The following CEP112 variants were observed in gnomAD, a reference collection of about 807,000 sequenced individuals.
CEP112 encodes the protein centrosomal protein of 112 kDa.
Under a neutral mutation model 153.0 loss-of-function variants are expected in CEP112, and 127 were observed. The ratio of observed to expected loss-of-function variants is 0.83; its 90% confidence interval spans 0.72 to 0.96. The LOEUF (loss-of-function observed/expected upper bound fraction) is 0.96, where lower values mean the gene tolerates loss of function less well. Among genes scored for constraint, CEP112 ranks in the 40% least tolerant of loss-of-function variants. CEP112 has a pLI of 0.00. For missense variants in CEP112, 1,089 were observed against 1,101.2 expected, an observed-to-expected ratio of 0.99 and a Z score of 0.16; for synonymous variants, 358 against 374.4, an observed-to-expected ratio of 0.96 and a Z score of 0.51.
At chr17:65,655,497 A>G (rs2046018942) in intron 24 of CEP112, 1 of 657,606 alleles carries the variant, frequency 1.5e-6, no homozygotes, top group South Asian at 2.0e-5. Flanking sequence ...AGAATAATAC[A>G]TGTTGACTTT....
chr17:65,945,207 A>C lies in CEP112; in HGVS notation c.1872+16256T>G, dbSNP rs1446532482. On this transcript the variant is annotated intron_variant, in intron 18 of 26. Transcript: ENST00000535342. Reference sequence around the variant, plus strand: ...GAAATTCAAACATGTTATTAGGTAGATTTGTAGACTCTTCATTCACATTGC... The same window carrying C: ...GAAATTCAAACATGTTATTAGGTAGCTTTGTAGACTCTTCATTCACATTGC... Among the ~76,000 whole-genome samples the C allele has an allele frequency of 1.3e-5, 2 of 152,178 alleles. 1 individual carries two copies. The highest frequency in any genetic ancestry group is 4.1e-4 in the South Asian group (2 of 4,836).
At chr17:65,757,940 T>G (rs773032399) in intron 21 of CEP112, among the ~76,000 whole-genome samples, 44 of 152,148 alleles carry the variant, frequency 2.9e-4, no homozygotes, top group Non-Finnish European at 3.1e-4. Context: ...AACACAATTT[T>G]TAAACAACTA....
At chr17:66,023,886 T>C (rs568592303) in intron 16 of CEP112, among the ~76,000 whole-genome samples, 13 of 152,204 alleles carry the variant, frequency 8.5e-5, no homozygotes, top group African/African-American at 3.1e-4. Flanking sequence ...TAAAGACCAA[T>C]ATCCCTGATG....
intron 20 of CEP112, among the ~76,000 whole-genome samples, chr17:65,896,578 T>G (rs1314355414): frequency 6.6e-6 from 1 of 152,050 alleles, no homozygotes; most frequent in Non-Finnish European, 1.5e-5. Flanking sequence ...AATTCACATG[T>G]AATACTAAAT....
intron 17 of CEP112, among the ~76,000 whole-genome samples, chr17:65,964,218 A>C (rs1205623730): frequency 6.6e-6 from 1 of 152,234 alleles, no homozygotes; most frequent in Non-Finnish European, 1.5e-5. Flanking sequence ...CTTAATGTTA[A>C]CTGGCTGTTA....
At chr17:65,750,138 G>A (rs994699441) in intron 22 of CEP112, among the ~76,000 whole-genome samples, 4 of 152,192 alleles carry the variant, frequency 2.6e-5, no homozygotes, top group African/African-American at 9.6e-5. Flanking sequence ...ACAACAGTAA[G>A]TACAAATAGC....
intron 11 of CEP112, among the ~76,000 whole-genome samples, chr17:66,057,922 A>G (rs1162315106): frequency 6.6e-6 from 1 of 151,884 alleles, no homozygotes; most frequent in African/African-American, 2.4e-5. Flanking sequence ...GAAAAACCCC[A>G]TATCTACAAA....
rs190898000 is a variant in CEP112, at chr17:65,821,661, C to A, written c.2394+30143G>T. 6.4e-3 allele frequency among the ~76,000 whole-genome samples: 954 copies of A among 147,990 alleles called. 7 individuals are homozygous for A. Among genetic ancestry groups the A allele is most frequent in the African/African-American group, 0.022 (894 of 39,978 alleles). On this transcript the variant is annotated intron_variant, in intron 21 of 26. Transcript: ENST00000535342. ...CTGCTTCCCAGGTTCAAGCAATTCT[C>A]CTCCCTCAGCCTCCTGAGTAGCTGG... is the stretch of plus-strand genomic sequence containing the variant.
intron 18 of CEP112, among the ~76,000 whole-genome samples, chr17:65,958,766 G>A (rs1000178985): frequency 2.6e-5 from 4 of 152,172 alleles, no homozygotes; most frequent in African/African-American, 4.8e-5. Context: ...GGTCCCTAGT[G>A]AGGCCTCACC....
At chr17:66,099,782 A>G (rs1249533828) in intron 6 of CEP112, among the ~76,000 whole-genome samples, 2 of 152,182 alleles carry the variant, frequency 1.3e-5, no homozygotes, top group East Asian at 3.9e-4. Context: ...CTGCCAGCAG[A>G]AGGAAACACT....
chr17:65,935,693 TA>T (rs970228096), intron 18 of CEP112, among the ~76,000 whole-genome samples: 1 of 148,824 alleles, frequency 6.7e-6, no homozygotes, highest in African/African-American at 2.5e-5. Context: ...AAAGAAAAAT[TA>T]AAAAAAAACT....
intron 12 of CEP112, among the ~76,000 whole-genome samples, chr17:66,032,963 T>C (rs1401519854): frequency 1.3e-5 from 2 of 152,124 alleles, no homozygotes; most frequent in East Asian, 1.9e-4. Context: ...ACATCGCTGG[T>C]TCAATAATAA....
At chr17:65,897,838 T>C (rs982598769) in intron 20 of CEP112, among the ~76,000 whole-genome samples, 2 of 152,044 alleles carry the variant, frequency 1.3e-5, no homozygotes, top group African/African-American at 4.8e-5. Context: ...ATGGAAAATA[T>C]CATCAATTAT....
chr17:66,111,461 A>G (rs1053933035), intron 6 of CEP112, among the ~76,000 whole-genome samples: 2 of 152,246 alleles, frequency 1.3e-5, no homozygotes, highest in Non-Finnish European at 2.9e-5. Flanking sequence ...CTAAATGCCC[A>G]CCAATGACGG....
At chr17:65,812,135 C>G (rs2145918105) in intron 21 of CEP112, among the ~76,000 whole-genome samples, 1 of 152,116 alleles carries the variant, frequency 6.6e-6, no homozygotes, top group East Asian at 1.9e-4. Flanking sequence ...TCCTGAGTAG[C>G]TAGGACTACA....
At chr17:66,058,200 C>A (rs1367433195) in intron 11 of CEP112, among the ~76,000 whole-genome samples, 4 of 151,976 alleles carry the variant, frequency 2.6e-5, no homozygotes, top group African/African-American at 9.7e-5. Flanking sequence ...AAAGACGTAC[C>A]CTTGTAAGTG....
At chr17:65,966,188 TC>T (rs2062408179) in intron 17 of CEP112, among the ~76,000 whole-genome samples, 1 of 152,116 alleles carries the variant, frequency 6.6e-6, no homozygotes, top group African/African-American at 2.4e-5. Context: ...ATTTTCCTCA[TC>T]TGAGTATATA....
intron 21 of CEP112, among the ~76,000 whole-genome samples, chr17:65,847,969 C>T (rs1475347416): frequency 6.6e-6 from 1 of 152,126 alleles, no homozygotes; most frequent in Non-Finnish European, 1.5e-5. Context: ...TGGACCCTTG[C>T]AGCCTTGTAG....
At chr17:65,748,445 A>G (rs1224635627) in intron 22 of CEP112, among the ~76,000 whole-genome samples, 2 of 152,144 alleles carry the variant, frequency 1.3e-5, no homozygotes, top group African/African-American at 2.4e-5. Context: ...TCACCTTGTG[A>G]ACACCCAAAA....
Sources: allele counts gnomAD v4.1 joint callset (sites outside exome capture counted in the v4.1 genomes callset), GRCh38; gene constraint gnomAD v4.1.1; transcripts MANE v1.5; gene names NCBI Gene and HGNC (gene_info 2026-07-23, HGNC 2026-07-21).